GLCCI1: variants seen among roughly 807,000 people sequenced by gnomAD.
The protein encoded by GLCCI1 is glucocorticoid induced 1.
A neutral mutation model predicts 52.2 loss-of-function variants in GLCCI1; 24 were observed. That is an observed-to-expected ratio of 0.46 (90% confidence interval 0.33 to 0.65). The LOEUF is 0.65. Among genes scored for constraint, GLCCI1 ranks in the 30% least tolerant of loss-of-function variants. The pLI is 0.02. For synonymous variants in GLCCI1, 310 were observed against 276.5 expected, an observed-to-expected ratio of 1.12 and a Z score of -1.20; for missense variants, 704 against 701.5, an observed-to-expected ratio of 1.00 and a Z score of -0.04.
intron 5 of GLCCI1, among the ~76,000 whole-genome samples, chr7:8,064,855 G>A (rs1028683807): frequency 6.6e-6 from 1 of 152,024 alleles, no homozygotes; most frequent in Non-Finnish European, 1.5e-5. Context: ...CTACAAGCGT[G>A]TGCCACCATG....
In GLCCI1 at chr7:7,995,561, C is replaced by G. The variant is rs1288780295; in HGVS notation, c.458-8347C>G. ...TGTGGCACATATACACCATGGAATA[C>G]TATGCAGCCATAAAAAAGGATGAGT... On this transcript the variant is annotated intron_variant, in intron 1 of 7. Coordinates refer to ENST00000223145, the MANE Select transcript of GLCCI1 (RefSeq NM_138426.4). 3.3e-5 allele frequency among the ~76,000 whole-genome samples: 5 copies of G among 152,294 alleles called. No individual in the cohort carries two copies. In the East Asian group the frequency reaches 9.6e-4, roughly 29 times the overall value.
At chr7:8,004,148 C>T in intron 2 of GLCCI1, 89 bp downstream of exon 2, 1 of 1,201,230 alleles carries the variant, frequency 8.3e-7, no homozygotes, top group South Asian at 2.0e-5. Context: ...TCAAATTTCC[C>T]CAAATTTGAA....
At chr7:8,082,462 C>T (rs1409273876) in intron 6 of GLCCI1, among the ~76,000 whole-genome samples, 1 of 152,046 alleles carries the variant, frequency 6.6e-6, no homozygotes, top group Non-Finnish European at 1.5e-5. Flanking sequence ...TTCCCTGACC[C>T]CTATTTACAG....
At chr7:8,076,565 AT>A (rs1419593244) in intron 6 of GLCCI1, among the ~76,000 whole-genome samples, 3 of 152,196 alleles carry the variant, frequency 2.0e-5, no homozygotes, top group South Asian at 2.1e-4. Context: ...AATGTTAACA[AT>A]TTTAACAATG....
At chr7:8,077,924 G>C (rs964661688) in intron 6 of GLCCI1, among the ~76,000 whole-genome samples, 3 of 152,138 alleles carry the variant, frequency 2.0e-5, no homozygotes, top group African/African-American at 4.8e-5. Context: ...AAAACAGTGA[G>C]ACTGGAGATT....
At chr7:8,061,099 A>G (rs12702691) in intron 5 of GLCCI1, among the ~76,000 whole-genome samples, 98,289 of 149,590 alleles carry the variant, frequency 0.66, 32,288 homozygotes, top group African/African-American at 0.7. Context: ...TGTGCTAGTG[A>G]TCTTTTTTTT....
chr7:8,015,904 T>G (rs1421266808), intron 2 of GLCCI1, among the ~76,000 whole-genome samples: 2 of 152,198 alleles, frequency 1.3e-5, no homozygotes, highest in Admixed American at 6.5e-5. Flanking sequence ...GAGAAACATT[T>G]AGCTGGAAAC....
chr7:7,983,658 A>G (rs1209433250), intron 1 of GLCCI1, among the ~76,000 whole-genome samples: 1 of 152,178 alleles, frequency 6.6e-6, no homozygotes, highest in Non-Finnish European at 1.5e-5. Flanking sequence ...GTTTAGCTAT[A>G]TATGTTCAAA....
chr7:8,010,657 A>G (rs1378335874), intron 2 of GLCCI1, among the ~76,000 whole-genome samples: 1 of 152,230 alleles, frequency 6.6e-6, no homozygotes, highest in Admixed American at 6.5e-5. Context: ...AAAATAATCC[A>G]TCATATATTT....
At chr7:8,021,645 C>T (rs1436032466) in intron 2 of GLCCI1, among the ~76,000 whole-genome samples, 1 of 152,146 alleles carries the variant, frequency 6.6e-6, no homozygotes, top group African/African-American at 2.4e-5. Flanking sequence ...TCAGGTGATC[C>T]ACCCGCCTTG....
intron 3 of GLCCI1, among the ~76,000 whole-genome samples, chr7:8,035,482 C>T (rs1263044888): frequency 6.6e-6 from 1 of 152,198 alleles, no homozygotes; most frequent in Non-Finnish European, 1.5e-5. Context: ...TTAGGTATGG[C>T]TGTGTCCGCA....
intron 1 of GLCCI1, chr7:7,970,587 T>C (rs1386358018): frequency 6.5e-6 from 1 of 152,678 alleles, no homozygotes; most frequent in Non-Finnish European, 1.5e-5. Flanking sequence ...TCAGTTGAGC[T>C]GTTCAAGGAT....
intron 1 of GLCCI1, among the ~76,000 whole-genome samples, chr7:7,993,002 T>G (rs77194013): frequency 1.3e-5 from 2 of 152,276 alleles, no homozygotes; most frequent in East Asian, 3.9e-4. Context: ...CTGTTGTCAT[T>G]TAAAAAAGGA....
intron 5 of GLCCI1, chr7:8,069,931 C>T (rs1427949133): frequency 6.6e-6 from 1 of 152,164 alleles, no homozygotes; most frequent in African/African-American, 2.4e-5. Context: ...CACTGCAGTC[C>T]TGTGTGTTTA....
At chr7:8,085,108 T>C (rs565016779) in intron 7 of GLCCI1, 91 bp downstream of exon 7, 1 of 1,416,850 alleles carries the variant, frequency 7.1e-7, no homozygotes, top group East Asian at 2.3e-5. Flanking sequence ...AACTACTCTA[T>C]CCAGCTGATA....
chr7:8,039,114 G>A (rs911575965), intron 3 of GLCCI1, among the ~76,000 whole-genome samples: 4 of 152,116 alleles, frequency 2.6e-5, no homozygotes, highest in African/African-American at 4.8e-5. Flanking sequence ...AAAAATAGTT[G>A]TTGGTGAGGA....
chr7:8,083,301 A>G (rs1783036765), intron 6 of GLCCI1, among the ~76,000 whole-genome samples: 2 of 152,006 alleles, frequency 1.3e-5, no homozygotes, highest in Non-Finnish European at 2.9e-5. Flanking sequence ...TGCTGTTTGC[A>G]TAGTAAGGTA....
At chr7:7,980,888 A>G (rs1367717502) in intron 1 of GLCCI1, 2 of 638,372 alleles carry the variant, frequency 3.1e-6, no homozygotes, top group Non-Finnish European at 5.8e-6. Flanking sequence ...TAGATGGTCC[A>G]TTTTGATGAC....
At chr7:8,044,454 G>A (rs570701944) in intron 3 of GLCCI1, among the ~76,000 whole-genome samples, 13 of 150,482 alleles carry the variant, frequency 8.6e-5, no homozygotes, top group African/African-American at 2.9e-4. Context: ...CTGCGGCCTC[G>A]ACCTCCTGGG....
Sources: gnomAD v4.1 joint callset for allele counts (sites outside exome capture counted in the v4.1 genomes callset) on GRCh38, gnomAD v4.1.1 for gene constraint, MANE v1.5 for transcripts, NCBI Gene and HGNC (gene_info 2026-07-23, HGNC 2026-07-21) for gene names.